Variants in TEX2 observed in about 807,000 individuals in gnomAD.
The protein encoded by TEX2 is testis-expressed protein 2.
In TEX2, 53 loss-of-function variants were observed where a neutral mutation model predicts 106.9. The observed-to-expected ratio is 0.50, with a 90% CI of 0.40 to 0.62. The LOEUF (loss-of-function observed/expected upper bound fraction) is 0.62, where lower values mean the gene tolerates loss of function less well. TEX2 is among the 20% of genes least tolerant of loss of function. The pLI, the probability that TEX2 is intolerant of heterozygous loss-of-function variation, is 0.00. For missense variants in TEX2, 1,207 were observed against 1,379.0 expected (o/e 0.88, Z 1.98); for synonymous variants, 523 against 534.8 (o/e 0.98, Z 0.30).
Position 64,147,603 on chromosome 17 carries a change from G to C in TEX2, c.*1366C>G, listed in dbSNP as rs757198179. ...TTGCACAACAATTATAAAGACCAGT[G>C]ACCAGGACACGTGGACTCTGACAGG... On this transcript the variant is annotated 3_prime_UTR_variant, in exon 12 of 12. Transcript: ENST00000584379. The C allele has an allele frequency of 2.0e-5, 3 of 152,496 alleles. No homozygotes were observed. Among genetic ancestry groups the C allele is most frequent in the South Asian group, 2.1e-4 (1 of 4,822 alleles). The allele number at this position is 152,496 out of a possible 1,614,324, so 9.4% of individuals were successfully genotyped here. A position where few individuals can be genotyped will look rare whatever the true frequency, so the allele number is the denominator to read the frequency against.
intron 8 of TEX2, among the ~76,000 whole-genome samples, chr17:64,159,787 T>A (rs1188919634): frequency 1.3e-5 from 2 of 152,230 alleles, no homozygotes; most frequent in African/African-American, 2.4e-5. Flanking sequence ...CCGGTTAGAT[T>A]GCATATAGCT....
intron 2 of TEX2, among the ~76,000 whole-genome samples, chr17:64,201,290 C>T (rs1425534968): frequency 1.3e-5 from 2 of 152,148 alleles, no homozygotes; most frequent in Non-Finnish European, 2.9e-5. Flanking sequence ...AGTTTCATGC[C>T]TCCCTGGCCC....
At chr17:64,244,106 C>A (rs2033944396) in intron 1 of TEX2, among the ~76,000 whole-genome samples, 1 of 152,140 alleles carries the variant, frequency 6.6e-6, no homozygotes, top group Non-Finnish European at 1.5e-5. Context: ...CGCGCCCAGC[C>A]AAAACACTAC....
chr17:64,178,837 C>A (rs2166292), intron 5 of TEX2, among the ~76,000 whole-genome samples: 108,370 of 152,174 alleles, frequency 0.71, 38,696 homozygotes, highest in East Asian at 0.83. Flanking sequence ...CGTGCCAGTG[C>A]TATCCATTCT....
intron 1 of TEX2, among the ~76,000 whole-genome samples, chr17:64,247,765 G>A (rs2034017919): frequency 6.6e-6 from 1 of 152,136 alleles, no homozygotes; most frequent in African/African-American, 2.4e-5. Context: ...TCAGTTGCGG[G>A]CTTTTTGAAA....
At position 64,160,823 on chromosome 17, in the gene TEX2, C is replaced by G; in HGVS notation, c.2782G>C (p.Val928Leu). 1 of 1,614,068 alleles carries G rather than the reference C, an allele frequency of 6.2e-7. No individual in the cohort carries two copies. Among genetic ancestry groups the G allele is most frequent in the Non-Finnish European group, 8.5e-7 (1 of 1,180,006 alleles). The change falls in exon 8 of 12, where the codon GTT (valine) becomes CTT (leucine). Residue 928 changes from valine to leucine, a missense_variant. This residue lies in a region of TEX2 where 1,067 missense variants were observed against 1,193.6 expected (regional missense o/e 0.89). Transcript: ENST00000584379. The part of the protein sequence containing the change: ...GKEPLVEALK[V>L]GEIGKEGCRP... Reference sequence around the variant, plus strand: ...TACCCTTCTTTGCCAATTTCTCCAACCTTCAGGGCTTCAACAAGAGGCTCT... The same window carrying G: ...TACCCTTCTTTGCCAATTTCTCCAAGCTTCAGGGCTTCAACAAGAGGCTCT...
chr17:64,261,239 C>T (rs1321127524), intron 1 of TEX2, among the ~76,000 whole-genome samples: 3 of 152,156 alleles, frequency 2.0e-5, no homozygotes, highest in African/African-American at 7.2e-5. Flanking sequence ...AACCCTCCAT[C>T]ATTTCTATAA....
chr17:64,168,703 GCACACTTATTATTTAGTT>G (rs2031253990), intron 7 of TEX2, among the ~76,000 whole-genome samples: 1 of 152,188 alleles, frequency 6.6e-6, no homozygotes, highest in Non-Finnish European at 1.5e-5. Context: ...AATAGAGCGT[GCACACTTATTATTTAGTT>G]TCTTTAAGCC....
At chr17:64,246,680 T>C (rs1382329390) in intron 1 of TEX2, among the ~76,000 whole-genome samples, 1 of 152,098 alleles carries the variant, frequency 6.6e-6, no homozygotes, top group Non-Finnish European at 1.5e-5. Flanking sequence ...AGGACACACA[T>C]GATGTTCATG....
intron 4 of TEX2, among the ~76,000 whole-genome samples, chr17:64,192,693 C>T (rs1249663140): frequency 6.6e-6 from 1 of 152,178 alleles, no homozygotes; most frequent in African/African-American, 2.4e-5. Flanking sequence ...GGTGTTGAAG[C>T]TGACAGAATG....
chr17:64,179,433 C>G (rs1267929856), intron 5 of TEX2, among the ~76,000 whole-genome samples: 1 of 152,196 alleles, frequency 6.6e-6, no homozygotes, highest in Non-Finnish European at 1.5e-5. Flanking sequence ...GCAGCGGCAA[C>G]CTGCTTGGGT....
intron 7 of TEX2, among the ~76,000 whole-genome samples, chr17:64,168,696 A>G (rs1262326557): frequency 6.6e-6 from 1 of 152,238 alleles, no homozygotes; most frequent in Admixed American, 6.5e-5. Context: ...ATTAGAAAAT[A>G]GAGCGTGCAC....
At chr17:64,206,201 A>G (rs1555630726) in intron 2 of TEX2, among the ~76,000 whole-genome samples, 1 of 152,148 alleles carries the variant, frequency 6.6e-6, no homozygotes, top group African/African-American at 2.4e-5. Context: ...GGGCATCTAG[A>G]CAGTCACCCA....
At chr17:64,171,979 C>CAAAAAA (rs11322413) in intron 6 of TEX2, among the ~76,000 whole-genome samples, 2 of 133,308 alleles carry the variant, frequency 1.5e-5, no homozygotes, top group Non-Finnish European at 3.2e-5. Flanking sequence ...GACTCTGCGT[C>CAAAAAA]AAAAAAAAAA....
intron 2 of TEX2, among the ~76,000 whole-genome samples, chr17:64,196,917 G>T (rs1239032660): frequency 1.3e-5 from 2 of 149,088 alleles, no homozygotes; most frequent in African/African-American, 4.9e-5. Flanking sequence ...CTTCACGTTG[G>T]TAGCTTTCAA....
chr17:64,241,095 A>C (rs1359445954), intron 1 of TEX2, among the ~76,000 whole-genome samples: 1 of 152,194 alleles, frequency 6.6e-6, no homozygotes, highest in Admixed American at 6.5e-5. Context: ...GGCCATGCTG[A>C]AGCCAGCTGG....
Position 64,153,298 on chromosome 17 carries a change from T to C in TEX2, c.2931-144A>G. 3 of 639,594 alleles carry C rather than the reference T, an allele frequency of 4.7e-6. No homozygotes were observed. Among genetic ancestry groups the C allele is most frequent in the South Asian group, 3.9e-5 (2 of 51,806 alleles). 39.6% of individuals were successfully genotyped at this position (639,594 alleles called of 1,614,324 possible). On this transcript the variant is annotated intron_variant, in intron 9 of 11. Coordinates refer to ENST00000584379, the MANE Select transcript of TEX2 (RefSeq NM_001288732.2). This position sits in a 1 kb window ranked among gnomAD's most constrained non-coding sequence, Gnocchi z 4.1. ...TTCTGTGTTGGGGCGGGGGGCATCCTGTGCATTGCAGGGTGTTCAGCAGCA... is the reference window on the plus strand; with the variant it reads ...TTCTGTGTTGGGGCGGGGGGCATCCCGTGCATTGCAGGGTGTTCAGCAGCA...
At chr17:64,166,082 G>A (rs2143695964) in intron 7 of TEX2, among the ~76,000 whole-genome samples, 1 of 152,266 alleles carries the variant, frequency 6.6e-6, no homozygotes, top group Admixed American at 6.5e-5. Context: ...ACACACCTGT[G>A]GGCACCTGTT....
At chr17:64,188,047 TTC>T (rs1038740326) in intron 5 of TEX2, 119 bp downstream of exon 5, 1 of 1,173,604 alleles carries the variant, frequency 8.5e-7, no homozygotes, top group African/African-American at 1.5e-5. Context: ...GGCAGGGTCC[TTC>T]TCTGTCTTGT....
Sources: gnomAD v4.1 joint callset for allele counts (sites outside exome capture counted in the v4.1 genomes callset) on GRCh38, gnomAD v4.1.1 for gene constraint, gnomAD v4.1.1 regional missense constraint, Gnocchi (gnomAD v3.1) non-coding constraint, MANE v1.5 for transcripts, NCBI Gene and HGNC (gene_info 2026-07-23, HGNC 2026-07-21) for gene names.